Variants in SCAPER observed in about 807,000 individuals in gnomAD.
SCAPER encodes the protein S-phase cyclin A associated protein in the ER.
In SCAPER, 98 loss-of-function variants were observed where a neutral mutation model predicts 182.2. That is an observed-to-expected ratio of 0.54 (90% CI 0.46 to 0.64). SCAPER has a LOEUF of 0.64. SCAPER is among the 30% of genes least tolerant of loss of function. The pLI is 0.00. For missense variants in SCAPER, 1,432 were observed against 1,690.0 expected, an observed-to-expected ratio of 0.85 and a Z score of 2.68; for synonymous variants, 605 against 564.6, an observed-to-expected ratio of 1.07 and a Z score of -1.01.
At chr15:76,572,944 C>CACAG (rs1304389875) in intron 23 of SCAPER, among the ~76,000 whole-genome samples, 27 of 151,550 alleles carry the variant, frequency 1.8e-4, no homozygotes, top group African/African-American at 5.1e-4. Context: ...CACACACACA[C>CACAG]AGAGAAATGT....
Position 76,351,243 on chromosome 15 carries a change from G to C in SCAPER, c.4093C>G (p.Pro1365Ala). The C allele has an allele frequency of 6.2e-7, 1 of 1,609,840 alleles. No individual in the cohort carries two copies. Among genetic ancestry groups the C allele is most frequent in the Non-Finnish European group, 8.5e-7 (1 of 1,177,992 alleles). Residue 1365 changes from proline to alanine, a missense_variant, in exon 31 of 32, where the codon CCC (proline) becomes GCC (alanine). Physicochemically the swap from Pro to Ala is conservative, Grantham distance 27 (BLOSUM62 -1). Coordinates refer to ENST00000563290, the MANE Select transcript of SCAPER (RefSeq NM_020843.4). The stretch of plus-strand genomic sequence containing the variant: ...AATTTCAATAGAGACATACCTTTGG[G>C]TTGGTAAGGCTGGTTTTCCGCTTGA... ...PGQAENQPYQ[P>A]KGKCLGSQDY...
chr15:76,702,485 T>A (rs1234275135), intron 19 of SCAPER, among the ~76,000 whole-genome samples: 1 of 152,086 alleles, frequency 6.6e-6, no homozygotes, highest in Non-Finnish European at 1.5e-5. Flanking sequence ...TCTTGCTTTG[T>A]CACCCAGGAT....
chr15:76,693,542 T>C (rs777579394), intron 20 of SCAPER, among the ~76,000 whole-genome samples: 7 of 152,188 alleles, frequency 4.6e-5, no homozygotes, highest in Non-Finnish European at 1.0e-4. Context: ...CCCATGTTCA[T>C]AGCATCATTA....
chr15:76,864,546 T>TGG (rs2072122828), intron 2 of SCAPER, among the ~76,000 whole-genome samples: 2 of 152,256 alleles, frequency 1.3e-5, no homozygotes, highest in East Asian at 3.9e-4. Flanking sequence ...TTTTACTCTT[T>TGG]TGGGGAATAT....
chr15:76,852,969 C>T (rs941618320), intron 4 of SCAPER, among the ~76,000 whole-genome samples: 2 of 151,976 alleles, frequency 1.3e-5, no homozygotes, highest in Non-Finnish European at 2.9e-5. Context: ...GAGAGAATAT[C>T]CAAATAAACA....
chr15:76,683,471 T>C (rs2057850909), intron 20 of SCAPER, among the ~76,000 whole-genome samples: 1 of 151,994 alleles, frequency 6.6e-6, no homozygotes, highest in Admixed American at 6.6e-5. Context: ...CATGCAAATA[T>C]GGAAAATATA....
chr15:76,765,475 T>C (rs769137216), intron 12 of SCAPER, 21 bp from the exon 13 acceptor site: 4 of 1,611,444 alleles, frequency 2.5e-6, no homozygotes, highest in East Asian at 2.2e-5. Context: ...AAAAATACTA[T>C]TATTGTTTAG....
At chr15:76,460,385 C>T (rs889609072) in intron 25 of SCAPER, among the ~76,000 whole-genome samples, 2 of 151,938 alleles carry the variant, frequency 1.3e-5, no homozygotes, top group African/African-American at 4.8e-5. Context: ...AGAAATGTTA[C>T]CGATTTTTAT....
intron 29 of SCAPER, among the ~76,000 whole-genome samples, chr15:76,372,385 T>C (rs2141854864): frequency 6.6e-6 from 1 of 152,316 alleles, no homozygotes; most frequent in South Asian, 2.1e-4. Flanking sequence ...GTCATCACTT[T>C]CCCACCATGT....
At chr15:76,545,522 G>C (rs1021776977) in intron 23 of SCAPER, among the ~76,000 whole-genome samples, 1 of 152,170 alleles carries the variant, frequency 6.6e-6, no homozygotes, top group Non-Finnish European at 1.5e-5. Flanking sequence ...TGGCCATTGA[G>C]AGTAACTGGG....
chr15:76,804,833 A>G (rs1238866916), intron 5 of SCAPER, among the ~76,000 whole-genome samples, 200 bp from the exon 6 acceptor site: 4 of 152,186 alleles, frequency 2.6e-5, no homozygotes, highest in Admixed American at 6.5e-5. Context: ...TCTAAAGACC[A>G]AGAAATGATA....
Position 76,568,610 on chromosome 15 carries a change from G to A in SCAPER, c.2838+5548C>T, listed in dbSNP as rs369205217. Among the ~76,000 whole-genome samples, 11 of 152,228 alleles carry A rather than the reference G, an allele frequency of 7.2e-5. No homozygotes were observed. In the East Asian group the frequency reaches 7.7e-4, roughly 11 times the overall value. On this transcript the variant is annotated intron_variant, in intron 23 of 31. Coordinates refer to ENST00000563290, the MANE Select transcript of SCAPER (RefSeq NM_020843.4). ...GTCATCAAGTGATCCACCCACCTCA[G>A]CCTCGCAAAGTGCTGGTCATATTGT...
intron 30 of SCAPER, 38 bp from the exon 31 acceptor site, chr15:76,351,326 A>G: frequency 6.4e-7 from 1 of 1,559,788 alleles, no homozygotes; most frequent in East Asian, 2.3e-5. Context: ...TATCAATGCT[A>G]TGAACAGAGA....
intron 23 of SCAPER, among the ~76,000 whole-genome samples, chr15:76,549,826 G>T (rs957902566): frequency 2.0e-5 from 3 of 151,976 alleles, no homozygotes; most frequent in African/African-American, 7.2e-5. Flanking sequence ...ATGGATGAAA[G>T]ATTTAAATAT....
At chr15:76,670,873 T>C (rs1004660617) in intron 20 of SCAPER, among the ~76,000 whole-genome samples, 4 of 152,142 alleles carry the variant, frequency 2.6e-5, no homozygotes, top group Non-Finnish European at 5.9e-5. Context: ...CTTTTGATGA[T>C]AAAAGAGTAA....
chr15:76,639,056 G>A (rs2053882133), intron 21 of SCAPER, among the ~76,000 whole-genome samples: 1 of 152,078 alleles, frequency 6.6e-6, no homozygotes, highest in African/African-American at 2.4e-5. Context: ...AAACAGAAAG[G>A]AAGAATAAAT....
chr15:76,381,998 G>A (rs71405207), intron 27 of SCAPER, among the ~76,000 whole-genome samples: 2,100 of 152,268 alleles, frequency 0.014, 20 homozygotes, highest in Non-Finnish European at 0.021. Flanking sequence ...TTCCTTTCTG[G>A]ATATATAAAG....
intron 24 of SCAPER, 135 bp from the exon 25 acceptor site, chr15:76,471,470 A>G: frequency 1.0e-6 from 1 of 978,440 alleles, no homozygotes; most frequent in Non-Finnish European, 1.4e-6. Context: ...GCCAAATACT[A>G]TTAGGTACAA....
At chr15:76,383,056 T>G (rs73450225) in intron 27 of SCAPER, among the ~76,000 whole-genome samples, 2,738 of 151,790 alleles carry the variant, frequency 0.018, 90 homozygotes, top group African/African-American at 0.061. Flanking sequence ...TACGAGTTAG[T>G]GTTAAAAATC....
Sources: allele counts gnomAD v4.1 joint callset (sites outside exome capture counted in the v4.1 genomes callset), GRCh38; gene constraint gnomAD v4.1.1; transcripts MANE v1.5; gene names NCBI Gene and HGNC (gene_info 2026-07-23, HGNC 2026-07-21).